The following TANC2 variants were observed in gnomAD, a reference collection of about 807,000 sequenced individuals.
TANC2 encodes the protein protein TANC2.
TANC2 carries 26 observed loss-of-function variants against 210.5 expected under a neutral mutation model. The observed-to-expected ratio is 0.12, with a 90% CI of 0.09 to 0.17. TANC2 has a LOEUF of 0.17. TANC2 is among the 10% of genes least tolerant of loss of function. The pLI is 1.00. For missense variants in TANC2, 2,129 were observed against 2,608.9 expected, an observed-to-expected ratio of 0.82 and a Z score of 4.01; for synonymous variants, 931 against 967.1, an observed-to-expected ratio of 0.96 and a Z score of 0.69.
chr17:63,122,046 A>T (rs902958883), intron 4 of TANC2, among the ~76,000 whole-genome samples: 1 of 152,142 alleles, frequency 6.6e-6, no homozygotes, highest in African/African-American at 2.4e-5. Context: ...AGAGGCAAGG[A>T]TGAAAAACTC....
chr17:63,355,617 C>T (rs1002144527), intron 14 of TANC2, among the ~76,000 whole-genome samples: 4 of 152,172 alleles, frequency 2.6e-5, no homozygotes, highest in Admixed American at 6.5e-5. Context: ...TGCTATCCTA[C>T]GTTCCTGTGT....
intron 1 of TANC2, among the ~76,000 whole-genome samples, chr17:62,980,794 A>C (rs2032259807): frequency 6.6e-6 from 1 of 152,156 alleles, no homozygotes; most frequent in African/African-American, 2.4e-5. Flanking sequence ...TACTTCTAGT[A>C]CCCAAGAGTC....
chr17:63,339,411 T>G (rs2046152140), intron 11 of TANC2, among the ~76,000 whole-genome samples: 1 of 152,176 alleles, frequency 6.6e-6, no homozygotes, highest in Non-Finnish European at 1.5e-5. Context: ...GAACTCCAGG[T>G]CCTAGCCAGG....
chr17:63,108,777 C>A (rs2037921372), intron 4 of TANC2, among the ~76,000 whole-genome samples: 1 of 151,214 alleles, frequency 6.6e-6, no homozygotes, highest in Admixed American at 6.6e-5. Context: ...CGGCTGCACT[C>A]CAGCCTGGTG....
chr17:62,996,844 G>A (rs142446833), intron 1 of TANC2, among the ~76,000 whole-genome samples: 4,401 of 148,862 alleles, frequency 0.03, 84 homozygotes, highest in South Asian at 0.037. Flanking sequence ...ATGGAGTTCC[G>A]CTCTTGTTGC....
chr17:63,369,384 T>C (rs1020622245), intron 14 of TANC2, among the ~76,000 whole-genome samples: 10 of 152,112 alleles, frequency 6.6e-5, no homozygotes, highest in African/African-American at 2.2e-4. Flanking sequence ...GAAAAATTAC[T>C]TCATGTTGGC....
chr17:62,993,711 G>C (rs780265700), intron 1 of TANC2, among the ~76,000 whole-genome samples: 3 of 152,092 alleles, frequency 2.0e-5, no homozygotes, highest in Non-Finnish European at 4.4e-5. Flanking sequence ...AGGATTGTTT[G>C]AGGCCAGGAG....
At chr17:63,234,226 G>A (rs2042558267) in intron 7 of TANC2, among the ~76,000 whole-genome samples, 2 of 152,144 alleles carry the variant, frequency 1.3e-5, no homozygotes, top group African/African-American at 2.4e-5. Context: ...TAAGAGTACA[G>A]TACTATATTC....
rs12232525 is a variant in TANC2, at chr17:63,371,510, A to C, written c.2583-8208A>C. On this transcript the variant is annotated intron_variant, in intron 14 of 27. Coordinates refer to ENST00000689528, the Ensembl canonical transcript of TANC2. ...AAAGCACCTAAGTGTTGTTTCTCTG[A>C]AGCATTAGAAGGTTGTATATTAAGT... Among the ~76,000 whole-genome samples the C allele has an allele frequency of 1.1e-3, 173 of 152,188 alleles. 5 individuals carry two copies. In the East Asian group the frequency reaches 0.03, roughly 27 times the overall value.
At chr17:63,064,809 A>G (rs1598342342) in intron 2 of TANC2, among the ~76,000 whole-genome samples, 1 of 152,198 alleles carries the variant, frequency 6.6e-6, no homozygotes, top group South Asian at 2.1e-4. Flanking sequence ...GTTTTGATAT[A>G]TGTATGAATT....
At chr17:63,208,037 C>G (rs1173165018) in intron 7 of TANC2, among the ~76,000 whole-genome samples, 1 of 152,106 alleles carries the variant, frequency 6.6e-6, no homozygotes, top group Non-Finnish European at 1.5e-5. Flanking sequence ...TTGTGAAATA[C>G]CTGTTCAAGT....
chr17:63,014,629 A>G (rs572063094), intron 2 of TANC2, among the ~76,000 whole-genome samples: 2 of 152,330 alleles, frequency 1.3e-5, no homozygotes, highest in South Asian at 2.1e-4. Flanking sequence ...TTTAGTGGTC[A>G]ATTCATACTA....
At chr17:63,072,536 T>C (rs1412158715) in intron 2 of TANC2, among the ~76,000 whole-genome samples, 1 of 152,074 alleles carries the variant, frequency 6.6e-6, no homozygotes, top group African/African-American at 2.4e-5. Flanking sequence ...AGAACTAAAA[T>C]AAACTGATTT....
At chr17:63,278,809 A>C (rs1212887053) in intron 9 of TANC2, among the ~76,000 whole-genome samples, 1 of 152,184 alleles carries the variant, frequency 6.6e-6, no homozygotes, top group Non-Finnish European at 1.5e-5. Flanking sequence ...AATATGAATG[A>C]AACTTGAGAA....
At chr17:63,326,526 A>C (rs1401236422) in intron 11 of TANC2, among the ~76,000 whole-genome samples, 1 of 152,058 alleles carries the variant, frequency 6.6e-6, no homozygotes, top group Non-Finnish European at 1.5e-5. Context: ...ACGTGAAAAA[A>C]TTTTACCAGC....
intron 11 of TANC2, among the ~76,000 whole-genome samples, chr17:63,324,480 T>A (rs1419900794): frequency 6.6e-6 from 1 of 152,052 alleles, no homozygotes; most frequent in Non-Finnish European, 1.5e-5. Context: ...GCCAGAAACA[T>A]GCACACACAC....
At chr17:63,281,371 A>G (rs548677930) in intron 9 of TANC2, among the ~76,000 whole-genome samples, 1 of 152,204 alleles carries the variant, frequency 6.6e-6, no homozygotes, top group Non-Finnish European at 1.5e-5. Context: ...CAGAGGCGGT[A>G]GGTCCCAAAA....
chr17:63,108,986 A>T (rs1351532046), intron 4 of TANC2, among the ~76,000 whole-genome samples: 4 of 151,550 alleles, frequency 2.6e-5, no homozygotes, highest in Admixed American at 2.6e-4. Flanking sequence ...AAGTTTTAAA[A>T]TAACTTTTTA....
In TANC2 at chr17:63,365,034, A is replaced by G. The variant is rs182377244; in HGVS notation, c.2582+9644A>G. Among the ~76,000 whole-genome samples the G allele has an allele frequency of 4.1e-3, 619 of 152,336 alleles. 5 individuals are homozygous for G. Among genetic ancestry groups the G allele is most frequent in the African/African-American group, 0.014 (600 of 41,588 alleles). On this transcript the variant is annotated intron_variant, in intron 14 of 27. Coordinates refer to ENST00000689528, the Ensembl canonical transcript of TANC2. ...GTAGCACAGGAATTAGAGGCTAATT[A>G]TTCTATTAATGAGTCTCCGAAGCAA...
Sources: allele counts gnomAD v4.1 joint callset (sites outside exome capture counted in the v4.1 genomes callset), GRCh38; gene constraint gnomAD v4.1.1; transcripts MANE v1.5; gene names NCBI Gene and HGNC (gene_info 2026-07-23, HGNC 2026-07-21).